Variants in SIPA1L1 observed in about 807,000 individuals in gnomAD.
SIPA1L1 encodes the protein signal-induced proliferation-associated 1-like protein 1.
SIPA1L1 carries 26 observed loss-of-function variants against 162.7 expected under a neutral mutation model. The ratio of observed to expected loss-of-function variants is 0.16; its 90% confidence interval spans 0.12 to 0.22. The LOEUF (loss-of-function observed/expected upper bound fraction) is 0.22. Ranked by LOEUF, SIPA1L1 falls within the 10% of genes least tolerant of loss-of-function variation. SIPA1L1 has a pLI of 1.00. For missense variants in SIPA1L1, 1,874 were observed against 2,241.0 expected, an observed-to-expected ratio of 0.84 and a Z score of 3.31; for synonymous variants, 829 against 837.4, an observed-to-expected ratio of 0.99 and a Z score of 0.17.
intron 2 of SIPA1L1, among the ~76,000 whole-genome samples, chr14:71,408,443 A>G (rs903160751): frequency 6.6e-6 from 1 of 152,122 alleles, no homozygotes; most frequent in South Asian, 2.1e-4. Flanking sequence ...CCTGTCCCCC[A>G]GTTTCAGAAT....
intron 2 of SIPA1L1, among the ~76,000 whole-genome samples, chr14:71,478,807 A>G (rs1469645071): frequency 6.6e-6 from 1 of 152,158 alleles, no homozygotes; most frequent in African/African-American, 2.4e-5. Flanking sequence ...ACAGAGGAAA[A>G]AAGCAGCAGA....
At chr14:71,387,183 G>A (rs2040392129) in intron 2 of SIPA1L1, among the ~76,000 whole-genome samples, 2 of 145,922 alleles carry the variant, frequency 1.4e-5, no homozygotes, top group African/African-American at 5.0e-5. Context: ...GGGAGGTGGA[G>A]GTTGCAGTGA....
At chr14:71,477,090 A>G (rs2047930510) in intron 2 of SIPA1L1, among the ~76,000 whole-genome samples, 1 of 152,052 alleles carries the variant, frequency 6.6e-6, no homozygotes, top group Non-Finnish European at 1.5e-5. Context: ...CCCCATCTCT[A>G]AAAATACAAA....
At chr14:71,545,439 G>A (rs2055101257) in intron 4 of SIPA1L1, among the ~76,000 whole-genome samples, 1 of 151,998 alleles carries the variant, frequency 6.6e-6, no homozygotes, top group Admixed American at 6.6e-5. Context: ...AGATATACTG[G>A]ATTTTCTGTG....
chr14:71,361,098 G>C (rs1031656820), intron 2 of SIPA1L1, among the ~76,000 whole-genome samples: 5 of 151,940 alleles, frequency 3.3e-5, no homozygotes, highest in African/African-American at 1.2e-4. Context: ...CCTTCACTAG[G>C]GATATGATAA....
At chr14:71,518,240 T>C (rs957873106) in intron 3 of SIPA1L1, among the ~76,000 whole-genome samples, 2 of 151,362 alleles carry the variant, frequency 1.3e-5, no homozygotes, top group Admixed American at 1.3e-4. Context: ...GCCAAGATCA[T>C]ACCACTGCAC....
At chr14:71,439,610 G>A (rs2044674069) in intron 2 of SIPA1L1, among the ~76,000 whole-genome samples, 1 of 152,208 alleles carries the variant, frequency 6.6e-6, no homozygotes, top group African/African-American at 2.4e-5. Flanking sequence ...TTTGGCTGGA[G>A]GAGAAAAGAA....
chr14:71,435,328 C>T (rs1334631592), intron 2 of SIPA1L1, among the ~76,000 whole-genome samples: 1 of 152,062 alleles, frequency 6.6e-6, no homozygotes, highest in Non-Finnish European at 1.5e-5. Context: ...CTCCTCCCTT[C>T]CCCCACCCCA....
At chr14:71,633,377 T>G (rs921234793) in intron 7 of SIPA1L1, among the ~76,000 whole-genome samples, 9 of 152,184 alleles carry the variant, frequency 5.9e-5, no homozygotes, top group African/African-American at 9.7e-5. Flanking sequence ...TTTCACCATG[T>G]TGGCTAGGAT....
chr14:71,661,192 C>A, intron 9 of SIPA1L1, 118 bp from the exon 10 acceptor site: 1 of 986,032 alleles, frequency 1.0e-6, no homozygotes. Flanking sequence ...TGTAGATTAC[C>A]TACCTTCATG....
intron 2 of SIPA1L1, among the ~76,000 whole-genome samples, chr14:71,373,963 A>C (rs1029911167): frequency 1.4e-4 from 21 of 152,160 alleles, no homozygotes; most frequent in Admixed American, 1.4e-3. Context: ...AGTGGAGTTT[A>C]GAGTCATTCT....
chr14:71,682,623 G>A (rs939691986), intron 12 of SIPA1L1, among the ~76,000 whole-genome samples: 4 of 152,222 alleles, frequency 2.6e-5, no homozygotes, highest in African/African-American at 9.6e-5. Context: ...ATGAGTGGTG[G>A]AAATAAAATG....
chr14:71,386,346 C>T (rs1463551300), intron 2 of SIPA1L1, among the ~76,000 whole-genome samples: 2 of 152,174 alleles, frequency 1.3e-5, no homozygotes, highest in Non-Finnish European at 2.9e-5. Context: ...TCACGTTCTT[C>T]TGCCTGCTTT....
At chr14:71,691,435 T>TA (rs537156348) in intron 13 of SIPA1L1, among the ~76,000 whole-genome samples, 8 of 151,110 alleles carry the variant, frequency 5.3e-5, no homozygotes, top group South Asian at 2.1e-4. Context: ...CTACAAAAAA[T>TA]AAAAAAAAAT....
chr14:71,702,271 A>G, intron 14 of SIPA1L1, 110 bp from the exon 15 acceptor site: 3 of 1,207,070 alleles, frequency 2.5e-6, no homozygotes, highest in Non-Finnish European at 3.6e-6. Context: ...ACACATAAGC[A>G]AAAACCAGTA....
intron 4 of SIPA1L1, among the ~76,000 whole-genome samples, chr14:71,585,600 A>G (rs1055397880): frequency 6.6e-6 from 1 of 152,226 alleles, no homozygotes; most frequent in African/African-American, 2.4e-5. Flanking sequence ...GCTGTGCAGT[A>G]AAGTATTTTC....
chr14:71,476,993 G>A (rs1027874466), intron 2 of SIPA1L1, among the ~76,000 whole-genome samples: 2 of 152,050 alleles, frequency 1.3e-5, no homozygotes, highest in African/African-American at 2.4e-5. Context: ...AGTGGCTCAC[G>A]CCTATAATCC....
At chr14:71,366,770 C>A (rs1420204543) in intron 2 of SIPA1L1, among the ~76,000 whole-genome samples, 1 of 152,156 alleles carries the variant, frequency 6.6e-6, no homozygotes, top group African/African-American at 2.4e-5. Context: ...TCTGTTCTCT[C>A]TTTAAAAGTA....
intron 3 of SIPA1L1, among the ~76,000 whole-genome samples, chr14:71,516,738 T>C (rs1052519971): frequency 4.6e-5 from 7 of 151,856 alleles, no homozygotes; most frequent in Non-Finnish European, 8.8e-5. Flanking sequence ...TTTGGGAGGC[T>C]GAGGCAGGCG....
Sources: allele counts gnomAD v4.1 joint callset (sites outside exome capture counted in the v4.1 genomes callset), GRCh38; gene constraint gnomAD v4.1.1; transcripts MANE v1.5; gene names NCBI Gene and HGNC (gene_info 2026-07-23, HGNC 2026-07-21).